Variants in CERS6 observed in about 807,000 individuals in gnomAD.
CERS6 encodes the protein ceramide synthase 6, also known as LAG1 homolog, ceramide synthase 6.
In CERS6, 26 loss-of-function variants were observed where a neutral mutation model predicts 56.8. The ratio of observed to expected loss-of-function variants is 0.46; its 90% CI spans 0.34 to 0.63. The LOEUF (loss-of-function observed/expected upper bound fraction) is 0.63, where lower values mean the gene tolerates loss of function less well. Among genes scored for constraint, CERS6 ranks in the 30% least tolerant of loss-of-function variants. CERS6 has a pLI of 0.01. For synonymous variants in CERS6, 164 were observed against 173.3 expected (o/e 0.95, Z 0.42); for missense variants, 415 against 467.5 (o/e 0.89, Z 1.04).
chr2:168,562,647 A>G (rs542118877), intron 3 of CERS6, among the ~76,000 whole-genome samples: 2 of 152,332 alleles, frequency 1.3e-5, no homozygotes, highest in African/African-American at 4.8e-5. Context: ...TGCTGCAAAC[A>G]TGTCTCGCCT....
chr2:168,721,559 T>TA (rs1559067119), intron 8 of CERS6, among the ~76,000 whole-genome samples: 1 of 135,948 alleles, frequency 7.4e-6, no homozygotes, highest in African/African-American at 2.7e-5. Context: ...TTTTTGTTTT[T>TA]TTTTTTGTTT....
intron 3 of CERS6, among the ~76,000 whole-genome samples, chr2:168,585,050 C>G (rs1184444505): frequency 6.6e-6 from 1 of 152,244 alleles, no homozygotes; most frequent in Non-Finnish European, 1.5e-5. Context: ...TCCATATTTG[C>G]TGAGCTATAA....
intron 8 of CERS6, among the ~76,000 whole-genome samples, chr2:168,748,221 G>A (rs1020535039): frequency 6.6e-6 from 1 of 152,118 alleles, no homozygotes; most frequent in Non-Finnish European, 1.5e-5. Flanking sequence ...TGCTCTTTCT[G>A]CAGTGAGAGT....
intron 1 of CERS6, among the ~76,000 whole-genome samples, chr2:168,499,887 T>G (rs901104825): frequency 6.6e-6 from 1 of 152,176 alleles, no homozygotes; most frequent in African/African-American, 2.4e-5. Flanking sequence ...TAACTCATTT[T>G]TTAGTCTGTG....
chr2:168,650,368 C>T (rs1463277018), intron 4 of CERS6, among the ~76,000 whole-genome samples: 2 of 152,150 alleles, frequency 1.3e-5, no homozygotes, highest in Non-Finnish European at 2.9e-5. Context: ...ACTGTCTGTC[C>T]GTTCACCAGC....
chr2:168,607,255 A>G (rs1228238233), intron 3 of CERS6, among the ~76,000 whole-genome samples: 1 of 152,214 alleles, frequency 6.6e-6, no homozygotes, highest in East Asian at 1.9e-4. Flanking sequence ...AAAATTTACT[A>G]ACCCTTGGTA....
intron 2 of CERS6, among the ~76,000 whole-genome samples, chr2:168,548,557 A>G (rs1361926195): frequency 1.3e-5 from 2 of 152,262 alleles, no homozygotes; most frequent in Non-Finnish European, 2.9e-5. Context: ...TTGTGTGTTC[A>G]TATATTAAAT....
intron 4 of CERS6, among the ~76,000 whole-genome samples, chr2:168,682,638 C>T (rs1686248765): frequency 6.6e-6 from 1 of 152,142 alleles, no homozygotes. Flanking sequence ...CACAGGAAGA[C>T]ACAACCTAGA....
chr2:168,509,916 C>T (rs1694748640), intron 1 of CERS6, among the ~76,000 whole-genome samples: 1 of 152,016 alleles, frequency 6.6e-6, no homozygotes, highest in South Asian at 2.1e-4. Context: ...AACAAACAAA[C>T]ACAGAAGACA....
intron 8 of CERS6, among the ~76,000 whole-genome samples, chr2:168,745,617 A>G (rs938594954): frequency 1.3e-5 from 2 of 152,214 alleles, no homozygotes; most frequent in Non-Finnish European, 2.9e-5. Context: ...AAGGTCCAGG[A>G]TAAGAGAACA....
intron 4 of CERS6, among the ~76,000 whole-genome samples, chr2:168,633,697 T>A (rs1684800270): frequency 6.6e-6 from 1 of 152,188 alleles, no homozygotes; most frequent in Non-Finnish European, 1.5e-5. Context: ...ATGGACAATA[T>A]GTTTGCCCAA....
At chr2:168,489,691 A>G (rs1187761222) in intron 1 of CERS6, among the ~76,000 whole-genome samples, 1 of 151,958 alleles carries the variant, frequency 6.6e-6, no homozygotes, top group African/African-American at 2.4e-5. Flanking sequence ...TTCAGATATT[A>G]TATTTTTATT....
chr2:168,606,605 T>C (rs1235137537), intron 3 of CERS6: 2 of 152,192 alleles, frequency 1.3e-5, no homozygotes, highest in East Asian at 1.9e-4. Flanking sequence ...ATTAAGACTT[T>C]GGGGGACTGT....
chr2:168,588,333 A>G (rs1263235695), intron 3 of CERS6, among the ~76,000 whole-genome samples: 3 of 152,132 alleles, frequency 2.0e-5, no homozygotes, highest in Non-Finnish European at 4.4e-5. Flanking sequence ...GTACAATGCA[A>G]CCATCACCAC....
chr2:168,555,597 A>G (rs1035992777), intron 2 of CERS6, among the ~76,000 whole-genome samples: 2 of 151,930 alleles, frequency 1.3e-5, no homozygotes, highest in African/African-American at 4.8e-5. Context: ...TCGACTAAGA[A>G]AAAAAAAGCA....
At chr2:168,640,782 A>G (rs1232556497) in intron 4 of CERS6, among the ~76,000 whole-genome samples, 2 of 152,200 alleles carry the variant, frequency 1.3e-5, no homozygotes, top group African/African-American at 4.8e-5. Flanking sequence ...TTAGCCAAAG[A>G]AGGCTGAGTT....
intron 3 of CERS6, among the ~76,000 whole-genome samples, chr2:168,569,201 C>T (rs1427331564): frequency 6.6e-6 from 1 of 151,976 alleles, no homozygotes; most frequent in Non-Finnish European, 1.5e-5. Flanking sequence ...TGTGCATATC[C>T]CTGGTGTGTC....
chr2:168,752,377 T>TTA (rs528369660), intron 8 of CERS6, among the ~76,000 whole-genome samples: 26 of 139,498 alleles, frequency 1.9e-4, no homozygotes, highest in Non-Finnish European at 3.4e-4. Flanking sequence ...CGTCACCAAG[T>TTA]TATATATAAA....
intron 4 of CERS6, 126 bp downstream of exon 4, chr2:168,631,168 T>G (rs1684708466): frequency 2.0e-6 from 1 of 504,514 alleles, no homozygotes; most frequent in Non-Finnish European, 3.5e-6. Flanking sequence ...AAGAATTATT[T>G]GTGCATTTTC....
Sources: gnomAD v4.1 joint callset for allele counts (sites outside exome capture counted in the v4.1 genomes callset) on GRCh38, gnomAD v4.1.1 for gene constraint, MANE v1.5 for transcripts, NCBI Gene and HGNC (gene_info 2026-07-23, HGNC 2026-07-21) for gene names.